The following CNTN5 variants were observed in gnomAD, a reference collection of about 807,000 sequenced individuals.
CNTN5 encodes contactin-5.
CNTN5 carries 77 observed loss-of-function variants against 129.1 expected under a neutral mutation model. The ratio of observed to expected loss-of-function variants is 0.60; its 90% CI spans 0.50 to 0.72. The LOEUF (loss-of-function observed/expected upper bound fraction) is 0.72, where lower values mean the gene tolerates loss of function less well. CNTN5 is among the 30% of genes least tolerant of loss of function. CNTN5 has a pLI of 0.00. For missense variants in CNTN5, 1,478 were observed against 1,328.8 expected, an observed-to-expected ratio of 1.11 and a Z score of -1.75; for synonymous variants, 509 against 465.6, an observed-to-expected ratio of 1.09 and a Z score of -1.20.
intron 4 of CNTN5, among the ~76,000 whole-genome samples, chr11:99,823,183 G>A (rs1430846128): frequency 6.6e-6 from 1 of 152,244 alleles, no homozygotes; most frequent in Non-Finnish European, 1.5e-5. Context: ...CACGAAGGCT[G>A]TGAGGTAATA....
At chr11:99,498,213 T>A (rs113201517) in intron 2 of CNTN5, among the ~76,000 whole-genome samples, 3,975 of 152,270 alleles carry the variant, frequency 0.026, 68 homozygotes, top group Middle Eastern at 0.065. Flanking sequence ...TAAACAGTAT[T>A]GATTTTTATA....
At chr11:100,292,492 T>C (rs1951010630) in intron 18 of CNTN5, among the ~76,000 whole-genome samples, 1 of 152,020 alleles carries the variant, frequency 6.6e-6, no homozygotes, top group Admixed American at 6.6e-5. Flanking sequence ...TCATTTGAAG[T>C]TTCCTCAAGT....
intron 3 of CNTN5, among the ~76,000 whole-genome samples, chr11:99,737,331 G>A (rs1183518743): frequency 1.3e-4 from 19 of 151,968 alleles, no homozygotes; most frequent in Admixed American, 1.2e-3. Flanking sequence ...CAGTTTAAAC[G>A]TTCTTATAGT....
At chr11:100,054,113 T>C (rs1056517674) in intron 9 of CNTN5, among the ~76,000 whole-genome samples, 1 of 151,738 alleles carries the variant, frequency 6.6e-6, no homozygotes, top group Non-Finnish European at 1.5e-5. Flanking sequence ...AAAAATGTTC[T>C]ATATCCTAAT....
At chr11:99,101,714 A>T (rs1368146577) in intron 1 of CNTN5, among the ~76,000 whole-genome samples, 1 of 152,182 alleles carries the variant, frequency 6.6e-6, no homozygotes, top group Non-Finnish European at 1.5e-5. Context: ...GGGCAGCACC[A>T]CTTCTGTGGC....
chr11:99,769,984 GTTTTA>G (rs969217582), intron 3 of CNTN5, among the ~76,000 whole-genome samples: 2 of 151,912 alleles, frequency 1.3e-5, no homozygotes, highest in African/African-American at 4.8e-5. Context: ...ACATTTTTTT[GTTTTA>G]TTTTCTAAAG....
chr11:99,841,601 A>C (rs865955023), intron 4 of CNTN5, among the ~76,000 whole-genome samples: 3 of 150,506 alleles, frequency 2.0e-5, no homozygotes, highest in African/African-American at 7.4e-5. Context: ...GGAGGAAAAG[A>C]AGCAGCAGAA....
intron 2 of CNTN5, among the ~76,000 whole-genome samples, chr11:99,346,707 C>T (rs1450457183): frequency 6.6e-6 from 1 of 152,170 alleles, no homozygotes; most frequent in East Asian, 1.9e-4. Flanking sequence ...AGAGATGTGA[C>T]CTCTGGGAGG....
At chr11:99,212,445 CT>C (rs774614130) in intron 1 of CNTN5, among the ~76,000 whole-genome samples, 174 of 152,296 alleles carry the variant, frequency 1.1e-3, no homozygotes, top group Middle Eastern at 3.4e-3. Flanking sequence ...AATACCTACA[CT>C]TTCCTTGCAC....
chr11:99,272,683 A>G (rs1268962945), intron 1 of CNTN5, among the ~76,000 whole-genome samples: 1 of 151,894 alleles, frequency 6.6e-6, no homozygotes, highest in East Asian at 1.9e-4. Flanking sequence ...ATTAATCTGT[A>G]CCATGATACT....
intron 1 of CNTN5, among the ~76,000 whole-genome samples, chr11:99,176,364 T>A (rs1236055630): frequency 6.6e-6 from 1 of 152,208 alleles, no homozygotes; most frequent in East Asian, 1.9e-4. Flanking sequence ...GACTTCTACA[T>A]TTATTGCTCC....
At chr11:99,644,949 G>C in intron 3 of CNTN5, among the ~76,000 whole-genome samples, 1 of 151,484 alleles carries the variant, frequency 6.6e-6, no homozygotes, top group East Asian at 1.9e-4. Context: ...TTAACATTAA[G>C]AAACAAACAA....
At chr11:99,086,743 T>C (rs1866023948) in intron 1 of CNTN5, among the ~76,000 whole-genome samples, 1 of 152,184 alleles carries the variant, frequency 6.6e-6, no homozygotes, top group Non-Finnish European at 1.5e-5. Flanking sequence ...AGATCTGTTT[T>C]GATGGAAGCA....
At chr11:99,808,936 T>C (rs1946350348) in intron 3 of CNTN5, among the ~76,000 whole-genome samples, 1 of 152,138 alleles carries the variant, frequency 6.6e-6, no homozygotes, top group Non-Finnish European at 1.5e-5. Context: ...AGCTAAAGAT[T>C]ATAAGCATAG....
chr11:100,184,729 T>C (rs1475409224), intron 13 of CNTN5, among the ~76,000 whole-genome samples: 1 of 152,190 alleles, frequency 6.6e-6, no homozygotes, highest in Admixed American at 6.5e-5. Flanking sequence ...CTATTTGTTA[T>C]GCAGCAGTGG....
chr11:99,503,991 T>C (rs570182480), intron 2 of CNTN5, among the ~76,000 whole-genome samples: 2 of 152,274 alleles, frequency 1.3e-5, no homozygotes, highest in African/African-American at 4.8e-5. Flanking sequence ...TTAATATTCA[T>C]TTTTTGCTTT....
intron 8 of CNTN5, among the ~76,000 whole-genome samples, chr11:99,993,104 A>C (rs1355839099): frequency 1.3e-5 from 2 of 152,224 alleles, no homozygotes; most frequent in African/African-American, 4.8e-5. Context: ...GCCTAACAAA[A>C]GGAATTTGAA....
intron 16 of CNTN5, among the ~76,000 whole-genome samples, chr11:100,233,649 GCC>G (rs1256412967): frequency 2.6e-5 from 4 of 151,950 alleles, no homozygotes; most frequent in Non-Finnish European, 5.9e-5. Flanking sequence ...CCCATATCTT[GCC>G]ATGCATCCAA....
At position 100,273,721 on chromosome 11, in the gene CNTN5, C is replaced by T. The variant is rs977952773; in HGVS notation, c.2314+2480C>T. ...GCCTCCGCCACTGTGGTGAATGTCCCCAGGGAGACAGGCACCCAGGAACCC... is the reference window on the plus strand; with the variant it reads ...GCCTCCGCCACTGTGGTGAATGTCCTCAGGGAGACAGGCACCCAGGAACCC... On this transcript the variant is annotated intron_variant, in intron 18 of 24. Transcript: ENST00000524871. Among the ~76,000 whole-genome samples the T allele has an allele frequency of 2.0e-5, 3 of 152,072 alleles. No homozygotes were observed. The South Asian group carries it at 6.2e-4, about 32-fold the overall frequency.
Sources: gnomAD v4.1 joint callset for allele counts (sites outside exome capture counted in the v4.1 genomes callset) on GRCh38, gnomAD v4.1.1 for gene constraint, MANE v1.5 for transcripts, NCBI Gene and HGNC (gene_info 2026-07-23, HGNC 2026-07-21) for gene names.